The following CACNG2 variants were observed in gnomAD, a reference collection of about 807,000 sequenced individuals.
CACNG2 encodes voltage-dependent calcium channel gamma-2 subunit.
CACNG2 carries 3 observed loss-of-function variants against 25.9 expected under a neutral mutation model. The ratio of observed to expected loss-of-function variants is 0.12; its 90% CI spans 0.05 to 0.30. CACNG2 has a LOEUF of 0.30. Among genes scored for constraint, CACNG2 ranks in the 10% least tolerant of loss-of-function variants. The pLI is 1.00. For missense variants in CACNG2, 341 were observed against 432.5 expected (o/e 0.79, Z 1.88); for synonymous variants, 167 against 173.3 (o/e 0.96, Z 0.29).
At chr22:36,565,501 T>C (rs1250380474) in intron 3 of CACNG2, among the ~76,000 whole-genome samples, 5 of 151,798 alleles carry the variant, frequency 3.3e-5, no homozygotes, top group Non-Finnish European at 5.9e-5. Context: ...TTTTTTAAGA[T>C]ACAGTCTTGC....
chr22:36,659,227 G>T (rs778334729), intron 1 of CACNG2, among the ~76,000 whole-genome samples: 1 of 152,050 alleles, frequency 6.6e-6, no homozygotes, highest in Non-Finnish European at 1.5e-5. Flanking sequence ...TGTGGGTGAG[G>T]GCCTGGGCAG....
At chr22:36,673,828 A>G (rs1441635363) in intron 1 of CACNG2, among the ~76,000 whole-genome samples, 2 of 152,188 alleles carry the variant, frequency 1.3e-5, no homozygotes, top group African/African-American at 2.4e-5. Context: ...TTTATGAAGC[A>G]TGAGTTATCA....
At chr22:36,571,643 G>A (rs964680870) in intron 2 of CACNG2, among the ~76,000 whole-genome samples, 37 of 151,974 alleles carry the variant, frequency 2.4e-4, no homozygotes, top group African/African-American at 7.7e-4. Flanking sequence ...TTGGGAGGCC[G>A]AGGCTGGTGG....
At chr22:36,596,426 T>C (rs765713878) in intron 1 of CACNG2, among the ~76,000 whole-genome samples, 5 of 152,194 alleles carry the variant, frequency 3.3e-5, no homozygotes, top group Non-Finnish European at 5.9e-5. Context: ...ATGAGTTTGA[T>C]CGTTCTCTCG....
chr22:36,625,619 T>C (rs577521318), intron 1 of CACNG2, among the ~76,000 whole-genome samples: 3 of 152,358 alleles, frequency 2.0e-5, no homozygotes, highest in Admixed American at 2.0e-4. Flanking sequence ...TGATAGCAGC[T>C]AATTTGGGTT....
intron 1 of CACNG2, among the ~76,000 whole-genome samples, chr22:36,608,138 G>T (rs900676361): frequency 6.6e-6 from 1 of 152,104 alleles, no homozygotes; most frequent in Non-Finnish European, 1.5e-5. Context: ...TCACTGGAGG[G>T]GTACCAACAG....
intron 1 of CACNG2, among the ~76,000 whole-genome samples, chr22:36,611,689 T>G (rs992105204): frequency 2.0e-5 from 3 of 152,122 alleles, no homozygotes; most frequent in Non-Finnish European, 4.4e-5. Flanking sequence ...CCCCAGCAAC[T>G]AAAGTGTGGG....
In CACNG2 at chr22:36,623,011, G is replaced by GATTTTTTTTTT. The variant is rs1569032646; in HGVS notation, c.212-35464_212-35463insAAAAAAAAAAT. ...TTTCTCATTCAGTCTTCAAAACATG[G>GATTTTTTTTTT]GTTTTTTTTTTTTTTTTTTTTTTTT... On this transcript the variant is annotated intron_variant, in intron 1 of 3. Transcript: ENST00000300105. Among the ~76,000 whole-genome samples, 2 of 93,224 alleles carry GATTTTTTTTTT rather than the reference G, an allele frequency of 2.1e-5. 1 individual carries two copies. The allele number at this position is 93,224 out of a possible 152,430, so 61.2% of individuals were successfully genotyped here.
chr22:36,573,944 G>A (rs1231044666), intron 2 of CACNG2, among the ~76,000 whole-genome samples: 1 of 152,188 alleles, frequency 6.6e-6, no homozygotes, highest in African/African-American at 2.4e-5. Flanking sequence ...GAAGGTGGAG[G>A]AGGCATGGCT....
intron 1 of CACNG2, among the ~76,000 whole-genome samples, chr22:36,690,354 C>CT (rs34225950): frequency 2.2e-4 from 21 of 97,374 alleles, no homozygotes; most frequent in African/African-American, 5.6e-4. Flanking sequence ...TTACAAAAAT[C>CT]TTTTTTTTTC....
rs191576130 is a variant in CACNG2, at chr22:36,628,573, T to C, written c.212-41025A>G. On this transcript the variant is annotated intron_variant, in intron 1 of 3. Transcript: ENST00000300105. ...CCGTGGACATTTCCCAGAAATCAAA[T>C]GGAAGGGACAGGTAGGAGAAAATGG... Among the ~76,000 whole-genome samples the C allele has an allele frequency of 2.7e-4, 41 of 152,268 alleles. No individual in the cohort carries two copies. In the East Asian group the frequency reaches 6.9e-3, roughly 26 times the overall value.
intron 1 of CACNG2, among the ~76,000 whole-genome samples, chr22:36,600,569 C>T (rs147177021): frequency 0.017 from 2,541 of 146,512 alleles, 35 homozygotes; most frequent in African/African-American, 0.04. Context: ...TTTTTTGATA[C>T]GGAGTCTTGC....
chr22:36,583,081 G>A (rs961990570), intron 2 of CACNG2, among the ~76,000 whole-genome samples: 33 of 151,990 alleles, frequency 2.2e-4, no homozygotes, highest in African/African-American at 7.5e-4. Context: ...TTGGGTTTAG[G>A]AATACTCCGG....
rs1935844755 is a variant in CACNG2, at chr22:36,606,912, A to G, written c.212-19364T>C. ...GTGTGTGTCTGTGGTGTGTGTATGC[A>G]TGTGTGTGTATATGTGTGTATGTGT... is the stretch of plus-strand genomic sequence containing the variant. On this transcript the variant is annotated intron_variant, in intron 1 of 3. Transcript: ENST00000300105. The surrounding 1 kb of genome is among the most constrained non-coding windows in gnomAD (Gnocchi z 5.7). Among the ~76,000 whole-genome samples the G allele has an allele frequency of 6.7e-6, 1 of 150,008 alleles. No homozygotes were observed. The highest frequency in any genetic ancestry group is 6.6e-5 in the Admixed American group (1 of 15,046).
chr22:36,655,494 G>A (rs1936688893), intron 1 of CACNG2, among the ~76,000 whole-genome samples: 1 of 152,132 alleles, frequency 6.6e-6, no homozygotes, highest in African/African-American at 2.4e-5. Flanking sequence ...TCCCTTCCAT[G>A]GCCTCAAGGT....
chr22:36,677,716 A>G lies in CACNG2; in HGVS notation c.211+24650T>C, dbSNP rs187831502. Reference sequence around the variant, plus strand: ...ATGAAGCTGAAATTACCAGAGAAATATACACTGGCATGTGTTGAGCCTGTG... The same window carrying G: ...ATGAAGCTGAAATTACCAGAGAAATGTACACTGGCATGTGTTGAGCCTGTG... On this transcript the variant is annotated intron_variant, in intron 1 of 3. Transcript: ENST00000300105. Among the ~76,000 whole-genome samples, 20 of 152,320 alleles carry G rather than the reference A, an allele frequency of 1.3e-4. 1 individual carries two copies. The highest frequency in any genetic ancestry group is 4.8e-4 in the African/African-American group (20 of 41,574).
At chr22:36,630,970 A>G (rs1377171706) in intron 1 of CACNG2, among the ~76,000 whole-genome samples, 1 of 152,120 alleles carries the variant, frequency 6.6e-6, no homozygotes, top group Non-Finnish European at 1.5e-5. Context: ...AGCTGGGTCT[A>G]TAGGTGCCTG....
chr22:36,689,412 G>A (rs757658269), intron 1 of CACNG2, among the ~76,000 whole-genome samples: 6 of 151,968 alleles, frequency 3.9e-5, no homozygotes, highest in African/African-American at 1.2e-4. Context: ...AAATAAAATC[G>A]GCAAGAGAGA....
rs553336511 is a variant in CACNG2 at position 36,612,634 on chromosome 22, C to T, written c.212-25086G>A. On this transcript the variant is annotated intron_variant, in intron 1 of 3. Coordinates refer to ENST00000300105, the MANE Select transcript of CACNG2 (RefSeq NM_006078.5). ...ACAACCCTCTCACTTGGCCAGCATCCGCCTGGTTATTTGGCTGGTCATACG... is the reference window on the plus strand; with the variant it reads ...ACAACCCTCTCACTTGGCCAGCATCTGCCTGGTTATTTGGCTGGTCATACG... 5.9e-5 allele frequency among the ~76,000 whole-genome samples: 9 copies of T among 152,326 alleles called. No homozygotes were observed. The East Asian group carries it at 1.3e-3, about 23-fold the overall frequency.
Sources: allele counts gnomAD v4.1 joint callset (sites outside exome capture counted in the v4.1 genomes callset), GRCh38; gene constraint gnomAD v4.1.1; non-coding constraint Gnocchi (gnomAD v3.1); transcripts MANE v1.5; gene names NCBI Gene and HGNC (gene_info 2026-07-23, HGNC 2026-07-21).